KIF18B: variants seen among roughly 807,000 people sequenced by gnomAD.
KIF18B encodes kinesin family member 18B, also known as kinesin-like protein KIF18B.
In KIF18B, 49 loss-of-function variants were observed where a neutral mutation model predicts 80.9. The ratio of observed to expected loss-of-function variants is 0.61; its 90% CI spans 0.48 to 0.77. KIF18B has a LOEUF of 0.77. Ranked by LOEUF, KIF18B falls within the 30% of genes least tolerant of loss-of-function variation. The pLI is 0.00. For synonymous variants in KIF18B, 439 were observed against 463.9 expected (o/e 0.95, Z 0.69); for missense variants, 994 against 1,127.7 (o/e 0.88, Z 1.70).
chr17:44,939,228 G>A (rs984918190), intron 1 of KIF18B, among the ~76,000 whole-genome samples: 3 of 151,016 alleles, frequency 2.0e-5, no homozygotes, highest in Non-Finnish European at 4.4e-5. Flanking sequence ...AAAATTAGTC[G>A]GGCACGGTGG....
chr17:44,941,196 A>T (rs2052408487), intron 1 of KIF18B, among the ~76,000 whole-genome samples: 1 of 152,204 alleles, frequency 6.6e-6, no homozygotes, highest in African/African-American at 2.4e-5. Flanking sequence ...ATACTGCCTT[A>T]TAGTGATATT....
At chr17:44,926,958 T>C (rs1040567448) in intron 14 of KIF18B, 31 bp downstream of exon 14, 11 of 1,573,764 alleles carry the variant, frequency 7.0e-6, no homozygotes, top group Admixed American at 1.8e-5. Flanking sequence ...GAGCTCCTTC[T>C]CCCAGACAGC....
intron 11 of KIF18B, among the ~76,000 whole-genome samples, chr17:44,929,872 T>C (rs1037772722): frequency 6.6e-6 from 1 of 152,152 alleles, no homozygotes; most frequent in Admixed American, 6.5e-5. Context: ...AAGGAAATGA[T>C]GAAGGTAATG....
chr17:44,927,012 G>A lies in KIF18B; in HGVS notation c.2343C>T (p.Ala781=). The change falls in exon 14 of 16, where the codon GCC becomes GCT. Residue 781 remains alanine, a synonymous_variant. Coordinates refer to ENST00000593135, the MANE Select transcript of KIF18B (RefSeq NM_001265577.2). This position sits in a 1 kb window ranked among gnomAD's most constrained non-coding sequence, Gnocchi z 4.1. The part of the protein sequence containing the change: ...KPTSSLPGTS[A]CKKKRVASSS... ...ACCTCGCAACGCGCTTCTTCTTGCA[G>A]GCAGAGGTCCCAGGGAGGGAAGATG... The A allele has an allele frequency of 1.2e-6, 2 of 1,612,414 alleles. No individual in the cohort carries two copies. Among genetic ancestry groups the A allele is most frequent in the Non-Finnish European group, 1.7e-6 (2 of 1,179,358 alleles).
Position 44,934,110 on chromosome 17 carries a change from G to T in KIF18B, c.886-11C>A. The T allele has an allele frequency of 6.2e-7, 1 of 1,611,580 alleles. No homozygotes were observed. The highest frequency in any genetic ancestry group is 8.5e-7 in the Non-Finnish European group (1 of 1,179,002). ...ATGGGTCTTGCGGCCCTGGGGGGCA[G>T]TAAGCAGGTGTGGGGTGAGGCGACT... On this transcript the variant is annotated splice_polypyrimidine_tract_variant and intron_variant, in intron 6 of 15. Transcript: ENST00000593135. The surrounding 1 kb of genome is among the most constrained non-coding windows in gnomAD (Gnocchi z 5.4).
At chr17:44,945,341 G>A (rs1354126515) in intron 1 of KIF18B, among the ~76,000 whole-genome samples, 8 of 152,208 alleles carry the variant, frequency 5.3e-5, no homozygotes, top group South Asian at 2.1e-4. Context: ...GATTACAGGC[G>A]TGAGCCACCA....
At chr17:44,944,473 C>G (rs2052476344) in intron 1 of KIF18B, among the ~76,000 whole-genome samples, 1 of 152,146 alleles carries the variant, frequency 6.6e-6, no homozygotes, top group African/African-American at 2.4e-5. Flanking sequence ...ATACTCATGA[C>G]CTCAGGTGAT....
intron 1 of KIF18B, among the ~76,000 whole-genome samples, chr17:44,938,263 A>G (rs188358227): frequency 4.1e-4 from 62 of 152,242 alleles, no homozygotes; most frequent in Non-Finnish European, 1.2e-4. Flanking sequence ...TGATCTGCCC[A>G]CCTTGGCCTC....
Position 44,934,746 on chromosome 17 carries a change from G to A in KIF18B, c.576+85C>T. ...CACCACCACTGCTACCACCATCACA[G>A]GACCCAGGGCATCCCCAAACAGTTT... On this transcript the variant is annotated intron_variant, in intron 4 of 15. Coordinates refer to ENST00000593135, the MANE Select transcript of KIF18B (RefSeq NM_001265577.2). The surrounding 1 kb of genome is among the most constrained non-coding windows in gnomAD (Gnocchi z 5.4). The A allele has an allele frequency of 7.8e-7, 1 of 1,278,878 alleles. No individual in the cohort carries two copies. The highest frequency in any genetic ancestry group is 2.6e-5 in the East Asian group (1 of 39,058). 79.2% of individuals were successfully genotyped at this position (1,278,878 alleles called of 1,614,324 possible).
In KIF18B at chr17:44,927,218, G is replaced by A. The variant is rs1202808562; in HGVS notation, c.2277-140C>T. On this transcript the variant is annotated intron_variant, in intron 13 of 15. Transcript: ENST00000593135. The surrounding 1 kb of genome is among the most constrained non-coding windows in gnomAD (Gnocchi z 4.1). ...ACCTCTGAGGTTTCTTCTACAAAGA[G>A]GTGGATTCCTCTCTCTGCCTGGCTG... The A allele has an allele frequency of 8.1e-6, 5 of 617,584 alleles. No individual in the cohort carries two copies. The highest frequency in any genetic ancestry group is 1.4e-5 in the Non-Finnish European group (5 of 354,760). 38.3% of individuals were successfully genotyped at this position (617,584 alleles called of 1,614,324 possible).
At position 44,927,078 on chromosome 17, in the gene KIF18B, C is replaced by T. The variant is rs1342168411; in HGVS notation, c.2277G>A (p.Arg759=). 3.7e-6 allele frequency: 6 copies of T among 1,607,304 alleles called. No individual in the cohort carries two copies. The highest frequency in any genetic ancestry group is 3.3e-4 in the Middle Eastern group (2 of 6,042). The change falls in exon 14 of 16, where the codon AGG becomes AGA. Residue 759 remains arginine, a splice_region_variant and synonymous_variant. Transcript: ENST00000593135. The surrounding 1 kb of genome is among the most constrained non-coding windows in gnomAD (Gnocchi z 4.1). ...LSRLDQPFIP[R]APVPLFTMKG... is the part of the protein sequence containing the mutation. Reference sequence around the variant, plus strand: ...TCATGGTGAACAGGGGCACAGGTGCCCTGGGGAGGGAGGACAGGGAAGGAG... The same window carrying T: ...TCATGGTGAACAGGGGCACAGGTGCTCTGGGGAGGGAGGACAGGGAAGGAG...
Position 44,929,026 on chromosome 17 carries a change from T to A in KIF18B, c.1518-2A>T. ...ACGCACAGCACCTTTAGGGCCAACCTGGAACAGAAGAAAGGGGATTCCCAG... is the reference window on the plus strand; with the variant it reads ...ACGCACAGCACCTTTAGGGCCAACCAGGAACAGAAGAAAGGGGATTCCCAG... On this transcript the variant is annotated splice_acceptor_variant, in intron 11 of 15. Coordinates refer to ENST00000593135, the MANE Select transcript of KIF18B (RefSeq NM_001265577.2). LOFTEE classifies it high-confidence loss of function. 1 of 1,613,826 alleles carries A rather than the reference T, an allele frequency of 6.2e-7. No individual in the cohort carries two copies. The highest frequency in any genetic ancestry group is 8.5e-7 in the Non-Finnish European group (1 of 1,179,772).
chr17:44,942,053 G>T (rs1055876902), intron 1 of KIF18B, among the ~76,000 whole-genome samples: 1 of 152,084 alleles, frequency 6.6e-6, no homozygotes, highest in African/African-American at 2.4e-5. Context: ...CAAGGGGGAG[G>T]TCTTTCCACA....
chr17:44,947,145 T>G (rs1014978490), intron 1 of KIF18B, among the ~76,000 whole-genome samples: 1 of 122,502 alleles, frequency 8.2e-6, no homozygotes, highest in Non-Finnish European at 1.7e-5. Context: ...AAAAAAAATT[T>G]TACTGCGTGC....
Position 44,932,126 on chromosome 17 carries a change from C to G in KIF18B, c.1319G>C (p.Arg440Thr), listed in dbSNP as rs754564392. ...ESLGMEAQVERAMEGNSSDQE... is the reference protein window; with the variant it reads ...ESLGMEAQVETAMEGNSSDQE... ...GTCTGAAGAGTTCCCTTCCATGGCC[C>G]TCTCCACCTGGGCCTCCATCCCCAG... Residue 440 changes from arginine (R) to threonine (T), a missense_variant, in exon 10 of 16, where the codon AGG becomes ACG. By Grantham distance (71) the Arg-to-Thr change is moderately conservative. Transcript: ENST00000593135. The G allele has an allele frequency of 6.2e-7, 1 of 1,613,920 alleles. No individual in the cohort carries two copies.
At chr17:44,936,751 T>C (rs2052320948) in intron 1 of KIF18B, among the ~76,000 whole-genome samples, 2 of 144,228 alleles carry the variant, frequency 1.4e-5, no homozygotes, top group Admixed American at 1.4e-4. Flanking sequence ...GCGATTCCCC[T>C]GCCTCAGCCT....
At position 44,935,192 on chromosome 17, in the gene KIF18B, T is replaced by G. The variant is rs558476386; in HGVS notation, c.471+67A>C. ...GCCACCCTGTCCCACACCAGCTCAC[T>G]CCACCCCATGGGCTCACTTCCCCCC... is the stretch of plus-strand genomic sequence containing the variant. On this transcript the variant is annotated intron_variant, in intron 3 of 15. Transcript: ENST00000593135. The G allele has an allele frequency of 1.6e-4, 230 of 1,473,110 alleles. 2 individuals carry two copies. The Middle Eastern group carries it at 2.2e-3, about 14-fold the overall frequency. The allele number at this position is 1,473,110 out of a possible 1,614,324, so 91.3% of individuals were successfully genotyped here. A position where few individuals can be genotyped will look rare whatever the true frequency, so the allele number is the denominator to read the frequency against.
At position 44,928,584 on chromosome 17, in the gene KIF18B, C is replaced by A. The variant is rs1164494814; in HGVS notation, c.1724-6G>T. ...GAGAGGAGACGGCACAGGGACTGCACAGAAGGAAGGAGAGTTTGTAGAACT... is the reference window on the plus strand; with the variant it reads ...GAGAGGAGACGGCACAGGGACTGCAAAGAAGGAAGGAGAGTTTGTAGAACT... On this transcript the variant is annotated splice_polypyrimidine_tract_variant and splice_region_variant and intron_variant, in intron 12 of 15. Coordinates refer to ENST00000593135, the MANE Select transcript of KIF18B (RefSeq NM_001265577.2). The A allele has an allele frequency of 2.1e-6, 3 of 1,447,868 alleles. No homozygotes were observed. The highest frequency in any genetic ancestry group is 2.7e-6 in the Non-Finnish European group (3 of 1,107,476). The allele number at this position is 1,447,868 out of a possible 1,614,324, so 89.7% of individuals were successfully genotyped here. A position where few individuals can be genotyped will look rare whatever the true frequency, so the allele number is the denominator to read the frequency against.
chr17:44,944,774 A>G (rs554506251), intron 1 of KIF18B, among the ~76,000 whole-genome samples: 1 of 152,172 alleles, frequency 6.6e-6, no homozygotes, highest in Admixed American at 6.5e-5. Flanking sequence ...TCCTAGATCT[A>G]GTCAAAATTT....
Sources: gnomAD v4.1 joint callset for allele counts (sites outside exome capture counted in the v4.1 genomes callset) on GRCh38, gnomAD v4.1.1 for gene constraint, Gnocchi (gnomAD v3.1) non-coding constraint, MANE v1.5 for transcripts, NCBI Gene and HGNC (gene_info 2026-07-23, HGNC 2026-07-21) for gene names.